The following ATG7 variants were observed in gnomAD, a reference collection of about 807,000 sequenced individuals.
ATG7 encodes the protein autophagy related 7.
In ATG7, 70 loss-of-function variants were observed where a neutral mutation model predicts 82.4. The ratio of observed to expected loss-of-function variants is 0.85; its 90% CI spans 0.70 to 1.04. The LOEUF (loss-of-function observed/expected upper bound fraction) is 1.04. Among genes scored for constraint, ATG7 ranks in the 50% least tolerant of loss-of-function variants. The probability of loss-of-function intolerance (pLI) is 0.00; values close to 1 mark genes in which losing one functional copy is unlikely to be tolerated. For synonymous variants in ATG7, 287 were observed against 313.0 expected (o/e 0.92, Z 0.88); for missense variants, 792 against 864.3 (o/e 0.92, Z 1.05).
chr3:11,467,443 C>T (rs542375396), intron 20 of ATG7, among the ~76,000 whole-genome samples: 47 of 152,300 alleles, frequency 3.1e-4, no homozygotes, highest in African/African-American at 9.1e-4. Flanking sequence ...ATGGTGCGAT[C>T]TCGGCTTACT....
At chr3:11,511,102 C>T (rs1450675406) in intron 20 of ATG7, among the ~76,000 whole-genome samples, 1 of 152,072 alleles carries the variant, frequency 6.6e-6, no homozygotes, top group Non-Finnish European at 1.5e-5. Context: ...GCAGCGTGGA[C>T]CCAAAGAGTG....
intron 20 of ATG7, among the ~76,000 whole-genome samples, chr3:11,491,447 C>T (rs1456618250): frequency 6.6e-6 from 1 of 152,166 alleles, no homozygotes; most frequent in African/African-American, 2.4e-5. Flanking sequence ...GTAGTTTGAT[C>T]GTCAGAAGCC....
rs1376935510 is a variant in ATG7, at chr3:11,277,927, A to G, written c.-365-3067A>G. Among the ~76,000 whole-genome samples, 8 of 109,952 alleles carry G rather than the reference A, an allele frequency of 7.3e-5. No homozygotes were observed. The Admixed American group carries it at 7.6e-4, about 10-fold the overall frequency. 72.1% of individuals were successfully genotyped at this position (109,952 alleles called of 152,430 possible). A position where few individuals can be genotyped will look rare whatever the true frequency, so the allele number is the denominator to read the frequency against. ...CCCACCAGGAATGCATTCCTTTCCCAGGGTCTTAATTATTAATATTTCTTG... is the reference window on the plus strand; with the variant it reads ...CCCACCAGGAATGCATTCCTTTCCCGGGGTCTTAATTATTAATATTTCTTG... On this transcript the variant is annotated intron_variant, in intron 1 of 20. Transcript: ENST00000693202.
intron 20 of ATG7, among the ~76,000 whole-genome samples, chr3:11,544,078 C>T (rs756892788): frequency 1.8e-4 from 27 of 152,336 alleles, no homozygotes; most frequent in East Asian, 1.5e-3. Context: ...CTCATCTGCC[C>T]GCACCAGCAG....
intron 20 of ATG7, among the ~76,000 whole-genome samples, chr3:11,495,114 C>G (rs1193381054): frequency 6.6e-6 from 1 of 152,052 alleles, no homozygotes; most frequent in African/African-American, 2.4e-5. Flanking sequence ...TTCTCTAAGG[C>G]CCTGTCCAAA....
intron 20 of ATG7, among the ~76,000 whole-genome samples, chr3:11,525,150 C>T (rs1409858085): frequency 6.6e-6 from 1 of 151,502 alleles, no homozygotes; most frequent in African/African-American, 2.4e-5. Flanking sequence ...GATTGTCCTG[C>T]CTCAGCCTCA....
intron 20 of ATG7, among the ~76,000 whole-genome samples, chr3:11,452,371 C>T (rs549786306): frequency 8.5e-5 from 9 of 105,844 alleles, no homozygotes; most frequent in East Asian, 3.0e-4. Flanking sequence ...GGCGACAGAG[C>T]GAGAACCTGT....
chr3:11,448,741 T>G (rs1448761253), intron 20 of ATG7, among the ~76,000 whole-genome samples: 1 of 152,160 alleles, frequency 6.6e-6, no homozygotes, highest in African/African-American at 2.4e-5. Flanking sequence ...GTGCTATGAA[T>G]TTCTTGAGGC....
chr3:11,473,184 T>G (rs1328597817), intron 20 of ATG7, among the ~76,000 whole-genome samples: 3 of 152,204 alleles, frequency 2.0e-5, no homozygotes, highest in Non-Finnish European at 4.4e-5. Context: ...GGGCTTTGTT[T>G]CATTTCTTCC....
chr3:11,301,527 A>C (rs970043584), intron 5 of ATG7, among the ~76,000 whole-genome samples: 1 of 152,222 alleles, frequency 6.6e-6, no homozygotes. Flanking sequence ...CACGATGTAC[A>C]TCCACAATGA....
rs1359178109 is a variant in ATG7 at position 11,313,291 on chromosome 3, C to T, written c.412-13C>T. On this transcript the variant is annotated splice_polypyrimidine_tract_variant and intron_variant, in intron 7 of 20. Coordinates refer to ENST00000693202, the MANE Select transcript of ATG7 (RefSeq NM_001349232.2). ...GTGCTATTCTAATAACTTATTTATA[C>T]TTTTTTTTCTAGGATCTAAAGAAGT... is the stretch of plus-strand genomic sequence containing the variant. The T allele has an allele frequency of 1.3e-6, 2 of 1,537,812 alleles. No homozygotes were observed. Among genetic ancestry groups the T allele is most frequent in the Admixed American group, 1.8e-5 (1 of 56,534 alleles).
intron 19 of ATG7, among the ~76,000 whole-genome samples, chr3:11,388,449 T>A (rs1421616893): frequency 1.3e-5 from 2 of 150,982 alleles, no homozygotes; most frequent in Non-Finnish European, 3.0e-5. Flanking sequence ...TTTTTTTTTT[T>A]AAGGAGTCTT....
Position 11,331,418 on chromosome 3 carries a change from G to A in ATG7, c.757G>A (p.Ala253Thr), listed in dbSNP as rs754689864. 5.0e-6 allele frequency: 8 copies of A among 1,602,198 alleles called. No homozygotes were observed. In the South Asian group the frequency reaches 8.8e-5, roughly 18 times the overall value. The change falls in exon 10 of 21, where the codon GCC (alanine) becomes ACC (threonine). Residue 253 changes from alanine (A) to threonine (T), a missense_variant. By Grantham distance (58) the Ala-to-Thr change is moderately conservative. Transcript: ENST00000693202. ...TTTGAGGAATTTTTTGGTCCTAGCA[G>A]CCCACAGATGGTATTTACAAGAGTG... is the stretch of plus-strand genomic sequence containing the variant. ...WPLRNFLVLA[A>T]HRWSSSFQSV... is the part of the protein sequence containing the mutation.
At chr3:11,361,774 C>T (rs1034807789) in intron 16 of ATG7, among the ~76,000 whole-genome samples, 9 of 152,174 alleles carry the variant, frequency 5.9e-5, no homozygotes, top group Non-Finnish European at 8.8e-5. Context: ...GTGCTTTGAA[C>T]AGCAAGACTA....
chr3:11,380,757 A>T (rs959224042), intron 19 of ATG7, among the ~76,000 whole-genome samples: 4 of 152,172 alleles, frequency 2.6e-5, no homozygotes, highest in African/African-American at 9.7e-5. Context: ...ATGATTGCTG[A>T]TAAGTAAAGA....
chr3:11,342,875 T>C (rs1953888009), intron 13 of ATG7, among the ~76,000 whole-genome samples: 1 of 152,066 alleles, frequency 6.6e-6, no homozygotes, highest in Non-Finnish European at 1.5e-5. Flanking sequence ...ATAGAATTAC[T>C]GTGTTAGAGA....
At chr3:11,449,375 CCAA>C (rs939784874) in intron 20 of ATG7, among the ~76,000 whole-genome samples, 1 of 152,090 alleles carries the variant, frequency 6.6e-6, no homozygotes, top group African/African-American at 2.4e-5. Flanking sequence ...ATCTCTTAAA[CCAA>C]CAACAACAAA....
intron 18 of ATG7, among the ~76,000 whole-genome samples, chr3:11,379,605 CAT>C (rs959403315): frequency 6.6e-5 from 10 of 152,182 alleles, no homozygotes; most frequent in Non-Finnish European, 1.3e-4. Context: ...CACTAGAACA[CAT>C]GTGGGAGCTT....
chr3:11,496,771 G>C (rs1398175467), intron 20 of ATG7, among the ~76,000 whole-genome samples: 1 of 152,038 alleles, frequency 6.6e-6, no homozygotes, highest in Non-Finnish European at 1.5e-5. Context: ...TCTGAAGCTG[G>C]AAAAGAAAAA....
Sources: allele counts gnomAD v4.1 joint callset (sites outside exome capture counted in the v4.1 genomes callset), GRCh38; gene constraint gnomAD v4.1.1; transcripts MANE v1.5; gene names NCBI Gene and HGNC (gene_info 2026-07-23, HGNC 2026-07-21).